Variants in GOLGA8N observed in about 807,000 individuals in gnomAD.
GOLGA8N encodes golgin A8 family member N.
In GOLGA8N, 2 loss-of-function variants were observed where a neutral mutation model predicts 22.0. The ratio of observed to expected loss-of-function variants is 0.09; its 90% confidence interval spans 0.04 to 0.29. The LOEUF (loss-of-function observed/expected upper bound fraction) is 0.29. Among genes scored for constraint, GOLGA8N ranks in the 10% least tolerant of loss-of-function variants. The pLI is 1.00. For missense variants in GOLGA8N, 10 were observed against 164.7 expected (o/e 0.06, Z 5.14); for synonymous variants, 2 against 58.7 (o/e 0.03, Z 4.41).
chr15:32,597,623 C>T lies in GOLGA8N; in HGVS notation c.349-129C>T, dbSNP rs984190407. On this transcript the variant is annotated intron_variant, in intron 5 of 18. Coordinates refer to ENST00000448387, the Ensembl canonical transcript of GOLGA8N. ...CCCCTCAGATTCCACCCCATCCCCA[C>T]AGGGCCCCTGATAACCTGGTCCCAT... 71 of 1,563,776 alleles carry T rather than the reference C, an allele frequency of 4.5e-5. 1 individual carries two copies. Among genetic ancestry groups the T allele is most frequent in the Non-Finnish European group, 5.8e-5 (67 of 1,146,522 alleles).
chr15:32,607,155 G>C (rs886715401), exon 19 of GOLGA8N: 2 of 152,276 alleles, frequency 1.3e-5, no homozygotes, highest in Non-Finnish European at 2.9e-5. Flanking sequence ...TTATTAAATT[G>C]TTTCAATGTG....
chr15:32,606,470 G>A (rs2052934850), exon 19 of GOLGA8N: 1 of 150,748 alleles, frequency 6.6e-6, no homozygotes, highest in Non-Finnish European at 1.5e-5. Context: ...GAAATTGTAT[G>A]ACAATAACTT....
At chr15:32,607,106 T>G (rs933355278) in exon 19 of GOLGA8N, 2 of 152,064 alleles carry the variant, frequency 1.3e-5, no homozygotes, top group African/African-American at 4.8e-5. Context: ...TAGAGTGGCC[T>G]TATTGACTGC....
Position 32,599,282 on chromosome 15 carries a change from AC to A in GOLGA8N, c.649del (p.Gln217ArgfsTer4). 7.2e-6 allele frequency: 2 copies of A among 277,916 alleles called. No homozygotes were observed. The highest frequency in any genetic ancestry group is 1.3e-5 in the Non-Finnish European group (2 of 157,630). 17.2% of individuals were successfully genotyped at this position (277,916 alleles called of 1,614,324 possible). A position where few individuals can be genotyped will look rare whatever the true frequency, so the allele number is the denominator to read the frequency against. Reference sequence around the variant, plus strand: ...TGGGAGTTAGAGCAGTCCCTACAGGACCAGGCACTGCTGAAAGCGCAGCTGA... The same window carrying A: ...TGGGAGTTAGAGCAGTCCCTACAGGACAGGCACTGCTGAAAGCGCAGCTGA... On this transcript the variant is annotated frameshift_variant, in exon 9 of 19. Transcript: ENST00000448387. LOFTEE classifies it high-confidence loss of function.
chr15:32,606,446 C>T (rs1364431469), exon 19 of GOLGA8N: 3 of 146,046 alleles, frequency 2.1e-5, no homozygotes, highest in Admixed American at 6.9e-5. Flanking sequence ...TTTAAGAAAA[C>T]ACTAAAAAGA....
Position 32,606,589 on chromosome 15 carries a change from C to T in GOLGA8N, c.*2611C>T, listed in dbSNP as rs950885844. 2.6e-5 allele frequency: 4 copies of T among 151,124 alleles called. No individual in the cohort carries two copies. In the South Asian group the frequency reaches 6.3e-4, roughly 24 times the overall value. 9.4% of individuals were successfully genotyped at this position (151,124 alleles called of 1,614,324 possible). A position where few individuals can be genotyped will look rare whatever the true frequency, so the allele number is the denominator to read the frequency against. The stretch of plus-strand genomic sequence containing the variant: ...AGCTTTCAGTTTGCTTAGAAGGCAA[C>T]ATTGGAATGTTAGAGTTCATGAGAA... On this transcript the variant is annotated 3_prime_UTR_variant, in exon 19 of 19. Coordinates refer to ENST00000448387, the Ensembl canonical transcript of GOLGA8N.
chr15:32,606,775 C>G (rs923538278), exon 19 of GOLGA8N: 1 of 151,244 alleles, frequency 6.6e-6, no homozygotes, highest in African/African-American at 2.4e-5. Flanking sequence ...GCTCTAAAAC[C>G]AAAGCTGATT....
chr15:32,595,947 ATTG>A (rs1266317121), intron 2 of GOLGA8N, among the ~76,000 whole-genome samples: 4 of 143,860 alleles, frequency 2.8e-5, no homozygotes, highest in African/African-American at 7.9e-5. Flanking sequence ...GAGATTTGTT[ATTG>A]TTGTTTTTAT....
At chr15:32,606,834 C>T (rs1051973077) in exon 19 of GOLGA8N, 1 of 150,392 alleles carries the variant, frequency 6.6e-6, no homozygotes, top group Non-Finnish European at 1.5e-5. Context: ...TATAGTTTCT[C>T]TAAAACTTTA....
chr15:32,606,710 A>G (rs1377509719), exon 19 of GOLGA8N: 2 of 149,864 alleles, frequency 1.3e-5, no homozygotes, highest in African/African-American at 5.0e-5. Flanking sequence ...TATAATAATC[A>G]TTTTAAAAGT....
exon 19 of GOLGA8N, chr15:32,607,172 T>C (rs1001678139): frequency 2.0e-4 from 31 of 152,460 alleles, no homozygotes; most frequent in African/African-American, 7.5e-4. Context: ...TGTGTTGTTT[T>C]TGCCTTAAAA....
chr15:32,606,716 A>G (rs551439517), exon 19 of GOLGA8N: 1 of 149,774 alleles, frequency 6.7e-6, no homozygotes, highest in Non-Finnish European at 1.5e-5. Context: ...AATCATTTTA[A>G]AAGTATTTGA....
chr15:32,606,779 G>A (rs1347177458), exon 19 of GOLGA8N: 2 of 150,030 alleles, frequency 1.3e-5, no homozygotes, highest in African/African-American at 4.9e-5. Context: ...TAAAACCAAA[G>A]CTGATTTCAG....
At chr15:32,605,311 ATCTT>A (rs2052920076) in exon 19 of GOLGA8N, 1 of 131,196 alleles carries the variant, frequency 7.6e-6, no homozygotes, top group South Asian at 2.6e-4. Context: ...GTATTATACT[ATCTT>A]TGAAAATCAA....
chr15:32,606,889 C>G (rs1033397321), exon 19 of GOLGA8N: 1 of 149,910 alleles, frequency 6.7e-6, no homozygotes, highest in African/African-American at 2.5e-5. Context: ...AATGTAACTG[C>G]TATCTTAATG....
At chr15:32,607,167 T>G (rs1208901148) in exon 19 of GOLGA8N, 1 of 152,448 alleles carries the variant, frequency 6.6e-6, no homozygotes, top group Non-Finnish European at 1.5e-5. Flanking sequence ...TTCAATGTGT[T>G]GTTTTTGCCT....
In GOLGA8N at chr15:32,598,637, G is replaced by A. The variant is rs562110812; in HGVS notation, c.591+460G>A. ...AAATTCAGGAGAGAGCAACAAGATG[G>A]CCGGGAGATACTTCCCTTCTGTACC... On this transcript the variant is annotated intron_variant, in intron 8 of 18. Transcript: ENST00000448387. Among the ~76,000 whole-genome samples the A allele has an allele frequency of 3.6e-5, 2 of 56,148 alleles. 1 individual carries two copies. Among genetic ancestry groups the A allele is most frequent in the Non-Finnish European group, 7.9e-5 (2 of 25,172 alleles). The allele number at this position is 56,148 out of a possible 152,430, so 36.8% of individuals were successfully genotyped here.
exon 19 of GOLGA8N, chr15:32,606,783 A>C (rs1475849841): frequency 4.6e-5 from 7 of 151,908 alleles, no homozygotes. Flanking sequence ...ACCAAAGCTG[A>C]TTTCAGAAAA....
intron 4 of GOLGA8N, chr15:32,597,248 GT>G: frequency 1.9e-6 from 1 of 519,482 alleles, no homozygotes; most frequent in Non-Finnish European, 3.3e-6. Context: ...TTCAGACTGA[GT>G]TCTGTGGCTG....
Sources: allele counts gnomAD v4.1 joint callset (sites outside exome capture counted in the v4.1 genomes callset), GRCh38; gene constraint gnomAD v4.1.1; transcripts MANE v1.5; gene names NCBI Gene and HGNC (gene_info 2026-07-23, HGNC 2026-07-21).